The following ARHGAP32 variants were observed in gnomAD, a reference collection of about 807,000 sequenced individuals.
ARHGAP32 encodes the protein Rho GTPase activating protein 32.
Under a neutral mutation model 186.5 loss-of-function variants are expected in ARHGAP32, and 51 were observed. That is an observed-to-expected ratio of 0.27 (90% CI 0.22 to 0.35). ARHGAP32 has a LOEUF of 0.35. Ranked by LOEUF, ARHGAP32 falls within the 10% of genes least tolerant of loss-of-function variation. The pLI, the probability that ARHGAP32 is intolerant of heterozygous loss-of-function variation, is 1.00. For missense variants in ARHGAP32, 2,186 were observed against 2,623.5 expected (o/e 0.83, Z 3.64); for synonymous variants, 950 against 964.3 (o/e 0.99, Z 0.27).
At chr11:129,263,690 GAAAAAGA>G (rs893951035) in intron 1 of ARHGAP32, among the ~76,000 whole-genome samples, 4 of 138,448 alleles carry the variant, frequency 2.9e-5, no homozygotes, top group Non-Finnish European at 6.4e-5. Flanking sequence ...AAAAGAAAGA[GAAAAAGA>G]AAGAGGAAAG....
intron 1 of ARHGAP32, among the ~76,000 whole-genome samples, chr11:129,207,261 G>T (rs1591696912): frequency 6.6e-6 from 1 of 152,208 alleles, no homozygotes; most frequent in East Asian, 1.9e-4. Flanking sequence ...CCCAATAATG[G>T]GATCGTTGAG....
Position 128,970,399 on chromosome 11 carries a change from G to A in ARHGAP32, c.4814C>T (p.Ser1605Phe). 6.2e-7 allele frequency: 1 copy of A among 1,614,202 alleles called. No individual in the cohort carries two copies. Among genetic ancestry groups the A allele is most frequent in the Admixed American group, 1.7e-5 (1 of 60,030 alleles). Reference protein sequence around the residue: ...RRVQSLHAPPSSMIRSVPISR... With the variant: ...RRVQSLHAPPFSMIRSVPISR... ...AATGGGAACAGAGCGAATCATGGAA[G>A]ACGGCGGAGCATGGAGAGACTGCAC... Residue 1605 changes from serine (S) to phenylalanine (F), a missense_variant, in exon 23 of 23, where the codon TCT becomes TTT. Transcript: ENST00000682385. This position sits in a 1 kb window ranked among gnomAD's most constrained non-coding sequence, Gnocchi z 5.8.
Position 128,968,958 on chromosome 11 carries a change from C to T in ARHGAP32, c.6255G>A (p.Leu2085=). 3 of 1,566,928 alleles carry T rather than the reference C, an allele frequency of 1.9e-6. No individual in the cohort carries two copies. Among genetic ancestry groups the T allele is most frequent in the Non-Finnish European group, 2.6e-6 (3 of 1,151,890 alleles). ...GATGCTGCAAGGACAACTCTGCGGGCAGGAAGGCCCCTTGACCCAACGCTG... is the reference window on the plus strand; with the variant it reads ...GATGCTGCAAGGACAACTCTGCGGGTAGGAAGGCCCCTTGACCCAACGCTG... ...YATALGQGAF[L]PAELSLQHPE... Residue 2085 remains leucine, a synonymous_variant, in exon 23 of 23, where the codon CTG becomes CTA. Coordinates refer to ENST00000682385, the MANE Select transcript of ARHGAP32 (RefSeq NM_001378024.1).
At chr11:129,178,424 C>T (rs10893987) in intron 1 of ARHGAP32, among the ~76,000 whole-genome samples, 130,677 of 150,106 alleles carry the variant, frequency 0.87, 57,022 homozygotes, top group African/African-American at 0.91. Flanking sequence ...ACTTTCTTCA[C>T]AGAATTGGAA....
intron 10 of ARHGAP32, among the ~76,000 whole-genome samples, chr11:129,043,381 C>CTT (rs1213682729): frequency 0.015 from 1,575 of 103,304 alleles, 47 homozygotes; most frequent in Non-Finnish European, 0.019. Flanking sequence ...TTCTTTTTTT[C>CTT]TTTTTTTTTT....
intron 5 of ARHGAP32, among the ~76,000 whole-genome samples, chr11:129,099,166 G>C (rs895698500): frequency 3.9e-5 from 6 of 152,178 alleles, no homozygotes; most frequent in Admixed American, 6.5e-5. Flanking sequence ...ATCAAAGACA[G>C]GGATTGGCAG....
rs374104637 is a variant in ARHGAP32, at chr11:128,998,446, G to A, written c.1068C>T (p.Leu356=). The part of the protein sequence containing the change: ...PKPVSKKHGK[L]ITFLRTFMKS... ...TCATGAATGTTCGTAAGAACGTAATGAGCTTGCCGTGCTTTTTAGACACTA... is the reference window on the plus strand; with the variant it reads ...TCATGAATGTTCGTAAGAACGTAATAAGCTTGCCGTGCTTTTTAGACACTA... The change falls in exon 12 of 23, where the codon CTC becomes CTT. Residue 356 remains leucine, a synonymous_variant. Coordinates refer to ENST00000682385, the MANE Select transcript of ARHGAP32 (RefSeq NM_001378024.1). 76 of 1,568,676 alleles carry A rather than the reference G, an allele frequency of 4.8e-5. No individual in the cohort carries two copies. Among genetic ancestry groups the A allele is most frequent in the Non-Finnish European group, 6.3e-5 (73 of 1,153,832 alleles).
At chr11:129,272,167 T>C (rs762949246) in intron 1 of ARHGAP32, among the ~76,000 whole-genome samples, 2 of 152,020 alleles carry the variant, frequency 1.3e-5, no homozygotes, top group Admixed American at 6.5e-5. Context: ...GATCCCAAGG[T>C]AAAGGTGGTT....
chr11:129,057,957 A>G (rs957735110), intron 10 of ARHGAP32, among the ~76,000 whole-genome samples: 3 of 152,120 alleles, frequency 2.0e-5, no homozygotes, highest in Non-Finnish European at 4.4e-5. Flanking sequence ...AAGCCTTTTG[A>G]AAAAAACTAA....
intron 2 of ARHGAP32, among the ~76,000 whole-genome samples, chr11:129,145,902 G>A (rs1943159484): frequency 6.6e-6 from 1 of 152,064 alleles, no homozygotes; most frequent in African/African-American, 2.4e-5. Context: ...ACGTACCACG[G>A]GAGAGGATAG....
chr11:129,274,711 T>A (rs1437308344), intron 1 of ARHGAP32, among the ~76,000 whole-genome samples: 1 of 152,110 alleles, frequency 6.6e-6, no homozygotes, highest in African/African-American at 2.4e-5. Flanking sequence ...CAAAAAGCAG[T>A]GTAATATAAA....
At chr11:129,013,139 G>A (rs906080969) in intron 11 of ARHGAP32, among the ~76,000 whole-genome samples, 7 of 152,256 alleles carry the variant, frequency 4.6e-5, no homozygotes, top group Admixed American at 3.9e-4. Flanking sequence ...GACACAAGGC[G>A]CAATTAAGTA....
At chr11:129,060,744 G>A (rs544562641) in intron 10 of ARHGAP32, among the ~76,000 whole-genome samples, 58 of 152,026 alleles carry the variant, frequency 3.8e-4, no homozygotes, top group African/African-American at 1.4e-3. Context: ...GAAAGGGATA[G>A]ATAAAATTAA....
chr11:129,043,670 G>A (rs1939696017), intron 10 of ARHGAP32, among the ~76,000 whole-genome samples: 1 of 152,056 alleles, frequency 6.6e-6, no homozygotes, highest in Admixed American at 6.5e-5. Context: ...TTACAGGCGT[G>A]AGTCACCACA....
intron 1 of ARHGAP32, among the ~76,000 whole-genome samples, chr11:129,222,906 C>A (rs956485297): frequency 2.0e-5 from 3 of 151,922 alleles, no homozygotes; most frequent in African/African-American, 7.3e-5. Context: ...TTGCAGTATC[C>A]CCTTGACTAG....
chr11:129,013,368 T>C (rs1938184021), intron 11 of ARHGAP32, among the ~76,000 whole-genome samples: 1 of 152,206 alleles, frequency 6.6e-6, no homozygotes, highest in African/African-American at 2.4e-5. Context: ...GAGGGGTGGA[T>C]ATGGTCTCTT....
In ARHGAP32 at chr11:129,036,815, G is replaced by A. The variant is rs546794108; in HGVS notation, c.1045+4113C>T. Among the ~76,000 whole-genome samples the A allele has an allele frequency of 7.2e-5, 11 of 152,192 alleles. No individual in the cohort carries two copies. In the South Asian group the frequency reaches 8.3e-4, roughly 11 times the overall value. On this transcript the variant is annotated intron_variant, in intron 11 of 22. Coordinates refer to ENST00000682385, the MANE Select transcript of ARHGAP32 (RefSeq NM_001378024.1). The stretch of plus-strand genomic sequence containing the variant: ...TCCCCTAAAATCAGGAACAAGACAC[G>A]GATGCTTGTACTTGAGATTTATATT...
At chr11:129,028,139 T>G (rs1258333218) in intron 11 of ARHGAP32, among the ~76,000 whole-genome samples, 2 of 152,158 alleles carry the variant, frequency 1.3e-5, no homozygotes, top group Non-Finnish European at 2.9e-5. Context: ...TACTATAAAA[T>G]ACAACATCTG....
rs754398777 is a variant in ARHGAP32, at chr11:128,969,230, G to T, written c.5983C>A (p.Pro1995Thr). Residue 1995 changes from proline to threonine, a missense_variant, in exon 23 of 23, where the codon CCT (proline) becomes ACT (threonine). Physicochemically the swap from Pro to Thr is conservative, Grantham distance 38. This residue lies in a region of ARHGAP32 where 1,502 missense variants were observed against 1,570.0 expected (regional missense o/e 0.96). Transcript: ENST00000682385. This position sits in a 1 kb window ranked among gnomAD's most constrained non-coding sequence, Gnocchi z 4.8. ...AGGCTATGACTCCTCTCTGGTTTAG[G>T]GGGTGGGACGATTGACTGAGTGAGG... ...EHLTQSIVPP[P>T]KPERSHSLKL... The T allele has an allele frequency of 4.4e-5, 71 of 1,614,104 alleles. No individual in the cohort carries two copies. In the Admixed American group the frequency reaches 1.1e-3, roughly 26 times the overall value.
Sources: gnomAD v4.1 joint callset for allele counts (sites outside exome capture counted in the v4.1 genomes callset) on GRCh38, gnomAD v4.1.1 for gene constraint, gnomAD v4.1.1 regional missense constraint, Gnocchi (gnomAD v3.1) non-coding constraint, MANE v1.5 for transcripts, NCBI Gene and HGNC (gene_info 2026-07-23, HGNC 2026-07-21) for gene names.